Variants in SLC38A12 observed in about 807,000 individuals in gnomAD.
SLC38A12 encodes putative sodium-coupled neutral amino acid transporter 12.
At chr17:74,819,970 C>A in the SLC38A12 span, 1 of 768,140 alleles carries the variant, frequency 1.3e-6, no homozygotes, top group Non-Finnish European at 2.2e-6. Flanking sequence ...TTGACTCAGG[C>A]CTGTCTGGTC....
chr17:74,831,988 G>T, the SLC38A12 span, among the ~76,000 whole-genome samples: 1 of 152,210 alleles, frequency 6.6e-6, no homozygotes, highest in African/African-American at 2.4e-5. Context: ...TGGAGCAGCT[G>T]TCTCCCAGGG....
At chr17:74,794,947 G>GA in the SLC38A12 span, 13,490 of 1,009,552 alleles carry the variant, frequency 0.013, no homozygotes, top group East Asian at 0.028. Flanking sequence ...AAAAGAAGAA[G>GA]AAAAAAAAAA....
chr17:74,784,850 G>A, the SLC38A12 span, among the ~76,000 whole-genome samples: 1 of 152,146 alleles, frequency 6.6e-6, no homozygotes, highest in Non-Finnish European at 1.5e-5. Flanking sequence ...GTGATAAAAT[G>A]GAATTAGCTG....
chr17:74,795,068 A>T, the SLC38A12 span: 3 of 1,614,104 alleles, frequency 1.9e-6, no homozygotes, highest in Non-Finnish European at 1.7e-6. Flanking sequence ...AGACCTCGCC[A>T]TCTATGCTGC....
chr17:74,804,276 A>C, the SLC38A12 span, among the ~76,000 whole-genome samples: 1 of 152,268 alleles, frequency 6.6e-6, no homozygotes, highest in Non-Finnish European at 1.5e-5. Context: ...CAAAAGTAAT[A>C]GCCGTGATCC....
chr17:74,785,594 G>T, the SLC38A12 span: 2 of 1,613,700 alleles, frequency 1.2e-6, no homozygotes, highest in Admixed American at 3.3e-5. Flanking sequence ...GTGTTCCTGG[G>T]CTTCATGAGG....
the SLC38A12 span, chr17:74,819,758 C>T: frequency 6.2e-7 from 1 of 1,614,204 alleles, no homozygotes; most frequent in Non-Finnish European, 8.5e-7. Context: ...AGGCGATCTT[C>T]ACTCTCCTCC....
At chr17:74,824,532 A>G in the SLC38A12 span, among the ~76,000 whole-genome samples, 1 of 152,172 alleles carries the variant, frequency 6.6e-6, no homozygotes, top group African/African-American at 2.4e-5. Flanking sequence ...TCACCGACAG[A>G]TGCCTGCAGG....
the SLC38A12 span, chr17:74,837,323 CTCGCT>C: frequency 1.0e-6 from 1 of 985,532 alleles, no homozygotes; most frequent in South Asian, 4.7e-5. Context: ...TGCGAGGGCC[CTCGCT>C]GTGGGCGCGA....
chr17:74,826,914 G>A, the SLC38A12 span, among the ~76,000 whole-genome samples: 14 of 152,172 alleles, frequency 9.2e-5, no homozygotes, highest in Non-Finnish European at 1.9e-4. Context: ...GGTCACTCTG[G>A]TTGGCAGAGC....
At chr17:74,836,090 C>T in the SLC38A12 span, 1 of 1,613,830 alleles carries the variant, frequency 6.2e-7, no homozygotes, top group Non-Finnish European at 8.5e-7. The surrounding 1 kb of genome is among the most constrained non-coding windows in gnomAD (Gnocchi z 4.2). Context: ...CCCCCGTCTC[C>T]TCCAAGCGCC....
the SLC38A12 span, among the ~76,000 whole-genome samples, chr17:74,807,939 C>T: frequency 2.0e-5 from 3 of 152,240 alleles, no homozygotes; most frequent in Admixed American, 6.5e-5. Flanking sequence ...GGTCCTCCGT[C>T]AGGCTTGTGA....
the SLC38A12 span, among the ~76,000 whole-genome samples, chr17:74,807,800 G>A: frequency 2.3e-4 from 35 of 152,268 alleles, no homozygotes; most frequent in African/African-American, 8.2e-4. Context: ...TGTTCCTCAC[G>A]TCCCACAGCT....
the SLC38A12 span, among the ~76,000 whole-genome samples, chr17:74,833,957 C>T: frequency 6.6e-6 from 1 of 152,158 alleles, no homozygotes; most frequent in Admixed American, 6.5e-5. Flanking sequence ...CCTCTGTACC[C>T]CCACCCCATC....
the SLC38A12 span, among the ~76,000 whole-genome samples, chr17:74,800,335 A>G: frequency 6.6e-6 from 1 of 152,132 alleles, no homozygotes; most frequent in Non-Finnish European, 1.5e-5. Context: ...CACCGACTTG[A>G]TTGATGCCCT....
At chr17:74,817,476 C>T in the SLC38A12 span, among the ~76,000 whole-genome samples, 1 of 152,140 alleles carries the variant, frequency 6.6e-6, no homozygotes, top group African/African-American at 2.4e-5. Flanking sequence ...GAACACTAAG[C>T]GGATATGAAC....
chr17:74,828,051 C>G, the SLC38A12 span, among the ~76,000 whole-genome samples: 1 of 152,214 alleles, frequency 6.6e-6, no homozygotes, highest in Non-Finnish European at 1.5e-5. Flanking sequence ...GTGATGGGCA[C>G]ACTGCCGGCC....
At chr17:74,786,839 C>T in the SLC38A12 span, among the ~76,000 whole-genome samples, 3 of 152,098 alleles carry the variant, frequency 2.0e-5, no homozygotes, top group Non-Finnish European at 4.4e-5. Context: ...CTCTAGAAGT[C>T]CTTGTCCTTA....
At chr17:74,831,185 C>T in the SLC38A12 span, among the ~76,000 whole-genome samples, 44,840 of 151,836 alleles carry the variant, frequency 0.3, 6,828 homozygotes, top group East Asian at 0.43. Flanking sequence ...GGGATCTCAT[C>T]ATGTACCCCA....
Sources: allele counts gnomAD v4.1 joint callset (sites outside exome capture counted in the v4.1 genomes callset), GRCh38; gene constraint gnomAD v4.1.1; non-coding constraint Gnocchi (gnomAD v3.1); transcripts MANE v1.5; gene names NCBI Gene and HGNC (gene_info 2026-07-23, HGNC 2026-07-21).